RAB11FIP1: variants seen among roughly 807,000 people sequenced by gnomAD.
RAB11FIP1 encodes the protein RAB11 family interacting protein 1.
Under a neutral mutation model 83.1 loss-of-function variants are expected in RAB11FIP1, and 49 were observed. That is an observed-to-expected ratio of 0.59 (90% CI 0.47 to 0.75). The LOEUF (loss-of-function observed/expected upper bound fraction) is 0.75. Among genes scored for constraint, RAB11FIP1 ranks in the 30% least tolerant of loss-of-function variants. The probability of loss-of-function intolerance (pLI) is 0.00; values close to 1 mark genes in which losing one functional copy is unlikely to be tolerated. For synonymous variants in RAB11FIP1, 670 were observed against 656.0 expected, an observed-to-expected ratio of 1.02 and a Z score of -0.33; for missense variants, 1,536 against 1,598.7, an observed-to-expected ratio of 0.96 and a Z score of 0.67.
intron 1 of RAB11FIP1, among the ~76,000 whole-genome samples, chr8:37,880,602 T>A (rs547334865): frequency 7.2e-5 from 11 of 151,768 alleles, no homozygotes; most frequent in Non-Finnish European, 8.8e-5. Flanking sequence ...CTAAAAATAT[T>A]TTTTTTTAAT....
chr8:37,897,075 A>G lies in RAB11FIP1; in HGVS notation c.371+1996T>C, dbSNP rs1020217189. Among the ~76,000 whole-genome samples, 5 of 152,200 alleles carry G rather than the reference A, an allele frequency of 3.3e-5. No homozygotes were observed. The East Asian group carries it at 9.6e-4, about 29-fold the overall frequency. On this transcript the variant is annotated intron_variant, in intron 1 of 5. Transcript: ENST00000330843. ...GTGTCATTTAATCAGATGGAAGATC[A>G]GCATTGCTGCAGCCCCTCCTTAGCA... is the stretch of plus-strand genomic sequence containing the variant.
At position 37,862,792 on chromosome 8, in the gene RAB11FIP1, A is replaced by T. The variant is rs552151281; in HGVS notation, c.*103T>A. ...CGGATAACATGTGAGGGAGATGGTG[A>T]TTCGGAGCCTGCTGGCTGGTTATCA... On this transcript the variant is annotated 3_prime_UTR_variant, in exon 6 of 6. Coordinates refer to ENST00000330843, the MANE Select transcript of RAB11FIP1 (RefSeq NM_001002814.3). 400 of 831,538 alleles carry T rather than the reference A, an allele frequency of 4.8e-4. 1 individual carries two copies. Among genetic ancestry groups the T allele is most frequent in the Non-Finnish European group, 1.5e-4 (77 of 513,838 alleles). The allele number at this position is 831,538 out of a possible 1,614,324, so 51.5% of individuals were successfully genotyped here.
chr8:37,877,336 G>C lies in RAB11FIP1; in HGVS notation c.587C>G (p.Thr196Arg). 1.2e-6 allele frequency: 2 copies of C among 1,614,108 alleles called. No homozygotes were observed. Among genetic ancestry groups the C allele is most frequent in the Non-Finnish European group, 1.7e-6 (2 of 1,179,980 alleles). Residue 196 changes from threonine (T) to arginine (R), a missense_variant, in exon 2 of 6, where the codon ACG becomes AGG. Coordinates refer to ENST00000330843, the MANE Select transcript of RAB11FIP1 (RefSeq NM_001002814.3). The part of the protein sequence containing the change: ...SDTASAIIPS[T>R]TPSVDSDDES... Reference sequence around the variant, plus strand: ...ATCATCACTGTCGACCGAAGGTGTCGTGCTAGGGATGATGGCGGAGGCGGT... The same window carrying C: ...ATCATCACTGTCGACCGAAGGTGTCCTGCTAGGGATGATGGCGGAGGCGGT...
chr8:37,873,254 A>G (rs1806522064), intron 3 of RAB11FIP1, 75 bp from the exon 4 acceptor site: 2 of 1,461,380 alleles, frequency 1.4e-6, no homozygotes. Flanking sequence ...ACACAAAAAC[A>G]AGTCATTCAC....
chr8:37,876,636 A>G (rs895039338), intron 2 of RAB11FIP1, among the ~76,000 whole-genome samples: 2 of 150,674 alleles, frequency 1.3e-5, no homozygotes, highest in African/African-American at 4.9e-5. Flanking sequence ...AAAAAGAAAC[A>G]GAGAGGGCAT....
intron 1 of RAB11FIP1, among the ~76,000 whole-genome samples, chr8:37,879,036 AGT>A (rs1806682142): frequency 6.6e-6 from 1 of 152,150 alleles, no homozygotes; most frequent in South Asian, 2.1e-4. Context: ...GGCTAGGCAC[AGT>A]GGCTCACGCC....
At chr8:37,882,599 A>G (rs1360971342) in intron 1 of RAB11FIP1, among the ~76,000 whole-genome samples, 1 of 152,132 alleles carries the variant, frequency 6.6e-6, no homozygotes, top group Non-Finnish European at 1.5e-5. Flanking sequence ...TACTCTGTCT[A>G]TGGAGTAGCT....
chr8:37,897,333 G>T (rs772656656), intron 1 of RAB11FIP1, among the ~76,000 whole-genome samples: 2 of 151,520 alleles, frequency 1.3e-5, no homozygotes, highest in Non-Finnish European at 2.9e-5. Flanking sequence ...GTCTCCCACA[G>T]AAGGGAAAGT....
At chr8:37,894,739 T>TATATATATATATATACAC (rs1416954611) in intron 1 of RAB11FIP1, among the ~76,000 whole-genome samples, 1 of 147,238 alleles carries the variant, frequency 6.8e-6, no homozygotes, top group African/African-American at 2.5e-5. Context: ...TATATATATA[T>TATATATATATATATACAC]ACACACACAC....
In RAB11FIP1 at chr8:37,875,127, T is replaced by C. The variant is rs367736825; in HGVS notation, c.1010A>G (p.Asp337Gly). ...EQPEAKGEIK[D>G]SSPSSSPSPK... ...GGATGGGGAGGAGGACGGGCTGCTATCCTTGATCTCACCCTTGGCTTCTGG... is the reference window on the plus strand; with the variant it reads ...GGATGGGGAGGAGGACGGGCTGCTACCCTTGATCTCACCCTTGGCTTCTGG... The change falls in exon 3 of 6, where the codon GAT becomes GGT. Residue 337 changes from aspartate to glycine, a missense_variant. Coordinates refer to ENST00000330843, the MANE Select transcript of RAB11FIP1 (RefSeq NM_001002814.3). 9 of 1,614,002 alleles carry C rather than the reference T, an allele frequency of 5.6e-6. No individual in the cohort carries two copies. The highest frequency in any genetic ancestry group is 7.6e-6 in the Non-Finnish European group (9 of 1,180,004).
intron 3 of RAB11FIP1, among the ~76,000 whole-genome samples, chr8:37,873,851 C>T (rs772676590): frequency 8.8e-5 from 13 of 147,486 alleles, no homozygotes; most frequent in Non-Finnish European, 1.8e-4. Flanking sequence ...TTAAGAGGAA[C>T]AGTGTGTATG....
At chr8:37,875,442 C>A in intron 2 of RAB11FIP1, 120 bp from the exon 3 acceptor site, 1 of 717,402 alleles carries the variant, frequency 1.4e-6, no homozygotes, top group Non-Finnish European at 2.4e-6. Context: ...GGGTGTGCTG[C>A]TATTCGTATC....
chr8:37,897,357 A>G (rs1397962956), intron 1 of RAB11FIP1, among the ~76,000 whole-genome samples: 1 of 151,356 alleles, frequency 6.6e-6, no homozygotes, highest in African/African-American at 2.4e-5. Context: ...AAGGCTATGT[A>G]TATCTAAAAC....
At position 37,862,215 on chromosome 8, in the gene RAB11FIP1, G is replaced by A. The variant is rs1352708424; in HGVS notation, c.*680C>T. On this transcript the variant is annotated 3_prime_UTR_variant, in exon 6 of 6. Transcript: ENST00000330843. ...TCCTATCTCCAGTAGAAGGGCCCTG[G>A]ATCTAAGCAGAAGGTATTTTAAGGC... is the stretch of plus-strand genomic sequence containing the variant. The A allele has an allele frequency of 6.6e-6, 1 of 152,370 alleles. No homozygotes were observed. Among genetic ancestry groups the A allele is most frequent in the Non-Finnish European group, 1.5e-5 (1 of 68,228 alleles). 9.4% of individuals were successfully genotyped at this position (152,370 alleles called of 1,614,324 possible).
At chr8:37,890,697 C>T (rs528112955) in intron 1 of RAB11FIP1, among the ~76,000 whole-genome samples, 1 of 151,784 alleles carries the variant, frequency 6.6e-6, no homozygotes, top group South Asian at 2.1e-4. Context: ...ATTGCTTGAA[C>T]CTGGGAGGCG....
chr8:37,889,816 C>CA (rs746798842), intron 1 of RAB11FIP1, among the ~76,000 whole-genome samples: 6 of 151,348 alleles, frequency 4.0e-5, no homozygotes, highest in Admixed American at 6.6e-5. Context: ...TTCTTTGAGA[C>CA]AGAGTCACCC....
At chr8:37,886,744 C>T (rs1402943596) in intron 1 of RAB11FIP1, among the ~76,000 whole-genome samples, 1 of 152,192 alleles carries the variant, frequency 6.6e-6, no homozygotes, top group Admixed American at 6.5e-5. Context: ...CTTAACCTTT[C>T]TTAGATGAAG....
At chr8:37,866,334 C>CAAA (rs112800499) in intron 5 of RAB11FIP1, among the ~76,000 whole-genome samples, 1 of 119,468 alleles carries the variant, frequency 8.4e-6, no homozygotes, top group Non-Finnish European at 1.8e-5. Flanking sequence ...GACCCCATCT[C>CAAA]AAAAAAAAAA....
At chr8:37,887,703 G>A (rs1422628017) in intron 1 of RAB11FIP1, among the ~76,000 whole-genome samples, 2 of 152,096 alleles carry the variant, frequency 1.3e-5, no homozygotes, top group Non-Finnish European at 1.5e-5. Flanking sequence ...CTGAAACAGG[G>A]TTAGGAACAC....
Sources: gnomAD v4.1 joint callset for allele counts (sites outside exome capture counted in the v4.1 genomes callset) on GRCh38, gnomAD v4.1.1 for gene constraint, MANE v1.5 for transcripts, NCBI Gene and HGNC (gene_info 2026-07-23, HGNC 2026-07-21) for gene names.